GRIN2B: variants seen among roughly 807,000 people sequenced by gnomAD.
GRIN2B encodes glutamate ionotropic receptor NMDA type subunit 2B.
In GRIN2B, 5 loss-of-function variants were observed where a neutral mutation model predicts 114.5. That is an observed-to-expected ratio of 0.04 (90% confidence interval 0.02 to 0.09). The LOEUF is 0.09. Among genes scored for constraint, GRIN2B ranks in the 10% least tolerant of loss-of-function variants. The probability of loss-of-function intolerance (pLI) is 1.00; values close to 1 mark genes in which losing one functional copy is unlikely to be tolerated. For missense variants in GRIN2B, 1,108 were observed against 1,943.5 expected, an observed-to-expected ratio of 0.57 and a Z score of 8.08; for synonymous variants, 787 against 745.1, an observed-to-expected ratio of 1.06 and a Z score of -0.92.
At chr12:13,616,418 TC>T in intron 6 of GRIN2B, 36 bp downstream of exon 6, 2 of 1,515,908 alleles carry the variant, frequency 1.3e-6, no homozygotes, top group Non-Finnish European at 1.8e-6. Flanking sequence ...AAGCTGACTC[TC>T]CCATGCCACC....
chr12:13,648,873 G>C (rs1378089723), intron 5 of GRIN2B, among the ~76,000 whole-genome samples: 1 of 152,038 alleles, frequency 6.6e-6, no homozygotes, highest in Non-Finnish European at 1.5e-5. Flanking sequence ...TGAGGGTCCA[G>C]TATCTTCTTT....
upstream of GRIN2B, chr12:13,982,096 C>G (rs962951451): frequency 6.7e-6 from 1 of 148,258 alleles, no homozygotes; most frequent in Admixed American, 6.7e-5. Flanking sequence ...AGGCAGCTTC[C>G]CACGTCATGT....
chr12:13,924,459 T>G (rs219874), intron 2 of GRIN2B, among the ~76,000 whole-genome samples: 143,499 of 152,184 alleles, frequency 0.94, 67,870 homozygotes, highest in East Asian at 1. Context: ...TGGACGTGTA[T>G]GAGTGGCCAC....
intron 2 of GRIN2B, among the ~76,000 whole-genome samples, chr12:13,913,811 C>G (rs1425722948): frequency 6.6e-6 from 1 of 152,128 alleles, no homozygotes; most frequent in Non-Finnish European, 1.5e-5. Flanking sequence ...CACTTTCTTG[C>G]TGTGTGACCT....
intron 10 of GRIN2B, among the ~76,000 whole-genome samples, chr12:13,573,319 C>G (rs1447256869): frequency 1.3e-5 from 2 of 148,802 alleles, no homozygotes; most frequent in East Asian, 3.9e-4. Context: ...AGCGTGGTGG[C>G]AGGCACCTGT....
intron 11 of GRIN2B, 123 bp from the exon 12 acceptor site, chr12:13,570,140 T>C: frequency 4.1e-6 from 3 of 729,468 alleles, no homozygotes; most frequent in African/African-American, 1.7e-5. Context: ...CAAAGTAAGG[T>C]TTAAGTTGGA....
chr12:13,931,235 T>G (rs548178339), intron 2 of GRIN2B, among the ~76,000 whole-genome samples: 1 of 152,310 alleles, frequency 6.6e-6, no homozygotes, highest in East Asian at 1.9e-4. Context: ...CTCCCTTTAA[T>G]CCTCTACTGA....
chr12:13,873,163 G>T (rs1052919557), intron 2 of GRIN2B, among the ~76,000 whole-genome samples: 2 of 152,180 alleles, frequency 1.3e-5, no homozygotes, highest in Non-Finnish European at 2.9e-5. Flanking sequence ...AGAATTGTAA[G>T]TTCCAAGTCA....
rs1948492609 is a variant in GRIN2B at position 13,557,744 on chromosome 12, C to T, written c.*5039G>A. The T allele has an allele frequency of 6.6e-6, 1 of 152,174 alleles. No individual in the cohort carries two copies. The highest frequency in any genetic ancestry group is 1.5e-5 in the Non-Finnish European group (1 of 68,028). The allele number at this position is 152,174 out of a possible 1,614,324, so 9.4% of individuals were successfully genotyped here. Reference sequence around the variant, plus strand: ...GCCATCTAGAACCTGTATCCTTGTTCCCTACTCTATTGCTCTCAGTGCTCT... The same window carrying T: ...GCCATCTAGAACCTGTATCCTTGTTTCCTACTCTATTGCTCTCAGTGCTCT... On this transcript the variant is annotated 3_prime_UTR_variant, in exon 14 of 14. Transcript: ENST00000609686.
At chr12:13,673,971 T>C (rs1950046705) in intron 5 of GRIN2B, among the ~76,000 whole-genome samples, 1 of 152,020 alleles carries the variant, frequency 6.6e-6, no homozygotes, top group African/African-American at 2.4e-5. Flanking sequence ...ACAGCAGCAG[T>C]GAAAGCAGCT....
chr12:13,712,417 T>C (rs1292885948), intron 4 of GRIN2B, among the ~76,000 whole-genome samples: 1 of 150,684 alleles, frequency 6.6e-6, no homozygotes, highest in Non-Finnish European at 1.5e-5. Flanking sequence ...ATATTATTAA[T>C]GAAAGAAAAA....
intron 5 of GRIN2B, among the ~76,000 whole-genome samples, chr12:13,653,486 G>A (rs1395454874): frequency 6.6e-6 from 1 of 151,890 alleles, no homozygotes; most frequent in Non-Finnish European, 1.5e-5. Flanking sequence ...GTACCCTGGA[G>A]TACATCAATA....
intron 3 of GRIN2B, among the ~76,000 whole-genome samples, chr12:13,768,111 A>G (rs73300397): frequency 0.031 from 4,751 of 152,328 alleles, 252 homozygotes; most frequent in African/African-American, 0.11. Context: ...TGCCTTCTAG[A>G]GTCAGAATTA....
chr12:13,915,485 T>A (rs1866701083), intron 2 of GRIN2B, among the ~76,000 whole-genome samples: 1 of 152,118 alleles, frequency 6.6e-6, no homozygotes, highest in Non-Finnish European at 1.5e-5. Flanking sequence ...GAAGTCAGGA[T>A]CTTGCAGAAG....
At chr12:13,707,137 C>G (rs936184762) in intron 4 of GRIN2B, among the ~76,000 whole-genome samples, 5 of 152,092 alleles carry the variant, frequency 3.3e-5, no homozygotes, top group Admixed American at 6.6e-5. Context: ...TGCTTTTATT[C>G]CTGAATCAAG....
At chr12:13,697,119 C>A (rs985593514) in intron 4 of GRIN2B, among the ~76,000 whole-genome samples, 1 of 152,070 alleles carries the variant, frequency 6.6e-6, no homozygotes, top group Non-Finnish European at 1.5e-5. Flanking sequence ...CCCCCACCCC[C>A]AAAATGCAAT....
intron 8 of GRIN2B, among the ~76,000 whole-genome samples, chr12:13,613,172 C>T (rs1949387356): frequency 6.6e-6 from 1 of 151,852 alleles, no homozygotes; most frequent in Admixed American, 6.6e-5. Flanking sequence ...GTGGAGAAAA[C>T]CTCTGCACAC....
At chr12:13,779,379 T>G (rs553229108) in intron 3 of GRIN2B, among the ~76,000 whole-genome samples, 2 of 152,196 alleles carry the variant, frequency 1.3e-5, no homozygotes, top group African/African-American at 2.4e-5. Context: ...TTTTTGGTTT[T>G]GTTTTGTTTT....
intron 1 of GRIN2B, among the ~76,000 whole-genome samples, chr12:13,980,931 C>T (rs1191981179): frequency 6.6e-6 from 1 of 152,086 alleles, no homozygotes; most frequent in African/African-American, 2.4e-5. Context: ...ACGCGCCCCG[C>T]GCGCACTCAC....
Sources: gnomAD v4.1 joint callset for allele counts (sites outside exome capture counted in the v4.1 genomes callset) on GRCh38, gnomAD v4.1.1 for gene constraint, MANE v1.5 for transcripts, NCBI Gene and HGNC (gene_info 2026-07-23, HGNC 2026-07-21) for gene names.